VRK2: variants seen among roughly 807,000 people sequenced by gnomAD.
The protein encoded by VRK2 is VRK serine/threonine kinase 2.
VRK2 carries 60 observed loss-of-function variants against 57.6 expected under a neutral mutation model. That is an observed-to-expected ratio of 1.04 (90% CI 0.85 to 1.29). VRK2 has a LOEUF of 1.29. Among genes scored for constraint, VRK2 ranks in the 50% most tolerant of loss-of-function variants. The pLI is 0.00. For missense variants in VRK2, 705 were observed against 588.1 expected, an observed-to-expected ratio of 1.20 and a Z score of -2.06; for synonymous variants, 231 against 199.2, an observed-to-expected ratio of 1.16 and a Z score of -1.35.
At chr2:58,056,981 CTCTT>C (rs952057583) in intron 2 of VRK2, among the ~76,000 whole-genome samples, 3 of 152,158 alleles carry the variant, frequency 2.0e-5, no homozygotes, top group Non-Finnish European at 2.9e-5. Flanking sequence ...CATAACTTCT[CTCTT>C]TCTTTGTTCC....
chr2:58,047,318 C>T (rs1674968555), intron 1 of VRK2: 7 of 641,548 alleles, frequency 1.1e-5, no homozygotes, highest in Non-Finnish European at 1.4e-5. Flanking sequence ...CACATGTTAA[C>T]CCCTGGGTAC....
intron 1 of VRK2, among the ~76,000 whole-genome samples, chr2:58,003,271 C>T (rs1238760113): frequency 2.0e-5 from 3 of 152,108 alleles, no homozygotes; most frequent in Non-Finnish European, 4.4e-5. Context: ...TTTAAAATGA[C>T]AAAATATGGG....
intron 1 of VRK2, among the ~76,000 whole-genome samples, chr2:57,911,041 T>C (rs1337317550): frequency 6.7e-6 from 1 of 150,188 alleles, no homozygotes; most frequent in African/African-American, 2.4e-5. Flanking sequence ...TTTGGGTCTT[T>C]TTTTTTTTTT....
chr2:58,138,440 C>A (rs1016893048), intron 10 of VRK2, among the ~76,000 whole-genome samples: 16 of 152,080 alleles, frequency 1.1e-4, no homozygotes, highest in Non-Finnish European at 2.2e-4. Context: ...AAGAAAAGCC[C>A]AGAACCAAGA....
intron 5 of VRK2, among the ~76,000 whole-genome samples, chr2:58,087,354 C>T (rs187352421): frequency 1.3e-5 from 2 of 152,230 alleles, no homozygotes; most frequent in East Asian, 3.9e-4. Flanking sequence ...CTGATTGAAT[C>T]ATGATACATC....
intron 2 of VRK2, among the ~76,000 whole-genome samples, chr2:58,073,504 A>G (rs1669632703): frequency 1.3e-5 from 2 of 151,828 alleles, no homozygotes; most frequent in South Asian, 4.1e-4. Context: ...GTATATACAC[A>G]CTAAGGATTA....
intron 1 of VRK2, among the ~76,000 whole-genome samples, chr2:57,971,392 C>T (rs1394080453): frequency 1.3e-5 from 2 of 151,892 alleles, no homozygotes; most frequent in Non-Finnish European, 2.9e-5. Flanking sequence ...AACCACATTG[C>T]TTGTTTAAAC....
At chr2:57,927,100 A>T (rs1187408304) in intron 1 of VRK2, among the ~76,000 whole-genome samples, 4 of 151,316 alleles carry the variant, frequency 2.6e-5, no homozygotes, top group African/African-American at 9.7e-5. Context: ...TTTTAAATGG[A>T]TGACAACTAA....
chr2:58,119,224 G>A (rs535916909), intron 7 of VRK2, among the ~76,000 whole-genome samples: 7 of 151,994 alleles, frequency 4.6e-5, no homozygotes, highest in Non-Finnish European at 7.4e-5. Context: ...CTGGCTGGGC[G>A]CAGTGGCTCA....
chr2:58,007,910 A>C (rs1673300290), intron 1 of VRK2, among the ~76,000 whole-genome samples: 2 of 152,162 alleles, frequency 1.3e-5, no homozygotes, highest in South Asian at 4.1e-4. Flanking sequence ...ATAACTCATA[A>C]AGCAATATGC....
At chr2:58,068,811 GAAAAAAAAA>G (rs60586801) in intron 2 of VRK2, among the ~76,000 whole-genome samples, 8 of 129,718 alleles carry the variant, frequency 6.2e-5, no homozygotes, top group Admixed American at 5.6e-4. Context: ...ACCCCCTCAG[GAAAAAAAAA>G]AAAAAAAAAC....
At chr2:58,045,113 T>C (rs1674641811), upstream of VRK2, among the ~76,000 whole-genome samples, 1 of 152,216 alleles carries the variant, frequency 6.6e-6, no homozygotes, top group Admixed American at 6.5e-5. Context: ...TGAATTGTTT[T>C]AAGCTCAGTA....
chr2:57,953,607 C>T (rs1313066054), intron 1 of VRK2, among the ~76,000 whole-genome samples: 4 of 152,140 alleles, frequency 2.6e-5, no homozygotes. Flanking sequence ...CTTTTACATA[C>T]AGTCATTTAC....
In VRK2 at chr2:58,120,184, C is replaced by CTTTTTTTTTTTTTTTTTTTTTTTTT. The variant is rs397868874; in HGVS notation, c.544-2893_544-2892insTTTTTTTTTTTTTTTTTTTTTTTTT. Among the ~76,000 whole-genome samples the CTTTTTTTTTTTTTTTTTTTTTTTTT allele has an allele frequency of 2.8e-3, 148 of 51,988 alleles. 10 individuals carry two copies. Among genetic ancestry groups the CTTTTTTTTTTTTTTTTTTTTTTTTT allele is most frequent in the African/African-American group, 4.4e-3 (42 of 9,646 alleles). 34.1% of individuals were successfully genotyped at this position (51,988 alleles called of 152,430 possible). A position where few individuals can be genotyped will look rare whatever the true frequency, so the allele number is the denominator to read the frequency against. On this transcript the variant is annotated intron_variant, in intron 7 of 12. Coordinates refer to ENST00000340157, the MANE Select transcript of VRK2 (RefSeq NM_006296.7). ...CTTTTTGTCTATTTTTTTTTCTTTT[C>CTTTTTTTTTTTTTTTTTTTTTTTTT]TTTTTTTTTTTTTTTTTTTTTTTTG...
chr2:58,040,450 A>C (rs1487459784), intron 3 of VRK2, among the ~76,000 whole-genome samples: 1 of 152,218 alleles, frequency 6.6e-6, no homozygotes, highest in Non-Finnish European at 1.5e-5. Context: ...TTAGGTCCTG[A>C]AATTGGCAGT....
At chr2:58,092,636 T>A (rs963147288) in intron 7 of VRK2, among the ~76,000 whole-genome samples, 1 of 152,168 alleles carries the variant, frequency 6.6e-6, no homozygotes, top group Non-Finnish European at 1.5e-5. Context: ...CCATCAGCAA[T>A]GTGTGATATT....
At chr2:57,932,210 C>T (rs919495281) in intron 1 of VRK2, among the ~76,000 whole-genome samples, 1 of 151,916 alleles carries the variant, frequency 6.6e-6, no homozygotes, top group Non-Finnish European at 1.5e-5. Context: ...TAATGCTAGC[C>T]TTGTAAGATA....
intron 11 of VRK2, 149 bp from the exon 12 acceptor site, chr2:58,146,167 T>C (rs1682090947): frequency 1.6e-6 from 1 of 638,464 alleles, no homozygotes; most frequent in East Asian, 3.3e-5. Flanking sequence ...ACTATAGTTT[T>C]TCTGTAATGT....
chr2:58,097,796 C>G (rs920119670), intron 7 of VRK2, among the ~76,000 whole-genome samples: 1 of 151,970 alleles, frequency 6.6e-6, no homozygotes, highest in Non-Finnish European at 1.5e-5. Context: ...ATTATGTACA[C>G]TATATAGTAC....
Sources: gnomAD v4.1 joint callset for allele counts (sites outside exome capture counted in the v4.1 genomes callset) on GRCh38, gnomAD v4.1.1 for gene constraint, MANE v1.5 for transcripts, NCBI Gene and HGNC (gene_info 2026-07-23, HGNC 2026-07-21) for gene names.